BTBD1: variants seen among roughly 807,000 people sequenced by gnomAD.
BTBD1 encodes the protein BTB/POZ domain-containing protein 1.
Under a neutral mutation model 48.0 loss-of-function variants are expected in BTBD1, and 34 were observed. The ratio of observed to expected loss-of-function variants is 0.71; its 90% confidence interval spans 0.54 to 0.94. The LOEUF (loss-of-function observed/expected upper bound fraction) is 0.94, where lower values mean the gene tolerates loss of function less well. Among genes scored for constraint, BTBD1 ranks in the 40% least tolerant of loss-of-function variants. The pLI is 0.00. For synonymous variants in BTBD1, 261 were observed against 242.1 expected (o/e 1.08, Z -0.72); for missense variants, 543 against 625.6 (o/e 0.87, Z 1.41).
chr15:83,061,812 C>A (rs1328550810), intron 1 of BTBD1: 1 of 152,210 alleles, frequency 6.6e-6, no homozygotes, highest in Non-Finnish European at 1.5e-5. Context: ...TCAACCCACA[C>A]AACTGTAAAA....
At chr15:83,023,538 T>A (rs940671461) in intron 5 of BTBD1, among the ~76,000 whole-genome samples, 1 of 151,970 alleles carries the variant, frequency 6.6e-6, no homozygotes, top group Admixed American at 6.6e-5. Flanking sequence ...TGCCACTACA[T>A]GCTGCTAATT....
intron 4 of BTBD1, among the ~76,000 whole-genome samples, chr15:83,040,878 A>T (rs1377968228): frequency 6.6e-6 from 1 of 151,850 alleles, no homozygotes; most frequent in African/African-American, 2.4e-5. Context: ...CTTAAGAGTC[A>T]AACAGAGGCT....
intron 3 of BTBD1, chr15:83,044,669 G>A: frequency 6.6e-7 from 1 of 1,512,026 alleles, no homozygotes; most frequent in Non-Finnish European, 9.1e-7. Context: ...AGTGGGATGG[G>A]AAGGAAAACA....
chr15:83,042,079 A>G (rs1408373794), intron 3 of BTBD1, among the ~76,000 whole-genome samples, 154 bp from the exon 4 acceptor site: 1 of 152,104 alleles, frequency 6.6e-6, no homozygotes, highest in Non-Finnish European at 1.5e-5. Flanking sequence ...AATACTAAAT[A>G]ATTAAAGGAC....
rs1401667248 is a variant in BTBD1, at chr15:83,041,729, T to G, written c.861A>C (p.Ala287=). The part of the protein sequence containing the change: ...FPLMTIEEFA[A]GPAQSGILSD... ...ATTTTGGTGAATTTATACCCTTACCTGCTGCAAATTCCTCAATTGTCATCA... is the reference window on the plus strand; with the variant it reads ...ATTTTGGTGAATTTATACCCTTACCGGCTGCAAATTCCTCAATTGTCATCA... The change falls in exon 4 of 8, where the codon GCA becomes GCC. Residue 287 remains alanine, a splice_region_variant and synonymous_variant. Transcript: ENST00000261721. 3.7e-6 allele frequency: 6 copies of G among 1,613,850 alleles called. No individual in the cohort carries two copies. The South Asian group carries it at 6.6e-5, about 18-fold the overall frequency.
At chr15:83,051,707 AT>A (rs1037698021) in intron 2 of BTBD1, among the ~76,000 whole-genome samples, 13 of 150,028 alleles carry the variant, frequency 8.7e-5, no homozygotes, top group Admixed American at 6.7e-5. Flanking sequence ...GAATTTCCTT[AT>A]TTTTTTTTAA....
chr15:83,017,905 T>C lies in BTBD1; in HGVS notation c.*162A>G, dbSNP rs2032202496. ...AAATGGAAAATCTGTTTTTAAATCA[T>C]GCAAAGATTTAAATAAGCATTTTTC... On this transcript the variant is annotated 3_prime_UTR_variant, in exon 8 of 8. Coordinates refer to ENST00000261721, the MANE Select transcript of BTBD1 (RefSeq NM_025238.4). The C allele has an allele frequency of 9.2e-6, 4 of 433,236 alleles. No homozygotes were observed. In the South Asian group the frequency reaches 3.1e-4, roughly 33 times the overall value. The allele number at this position is 433,236 out of a possible 1,614,324, so 26.8% of individuals were successfully genotyped here.
At chr15:83,049,345 C>T (rs117865852) in intron 3 of BTBD1, among the ~76,000 whole-genome samples, 3,416 of 152,264 alleles carry the variant, frequency 0.022, 57 homozygotes, top group Middle Eastern at 0.037. Context: ...GTAAACCCTA[C>T]AGATCGTGGC....
chr15:83,036,229 CT>C (rs2032628140), intron 4 of BTBD1, among the ~76,000 whole-genome samples: 1 of 148,916 alleles, frequency 6.7e-6, no homozygotes, highest in African/African-American at 2.5e-5. Context: ...CCAAATATAT[CT>C]GTAATTACAT....
chr15:83,057,635 A>G (rs1438811736), intron 1 of BTBD1, among the ~76,000 whole-genome samples: 1 of 152,162 alleles, frequency 6.6e-6, no homozygotes, highest in Non-Finnish European at 1.5e-5. Flanking sequence ...TCTCCACAGC[A>G]CCATGTGCTG....
intron 2 of BTBD1, among the ~76,000 whole-genome samples, chr15:83,052,691 C>T (rs917212125): frequency 6.8e-6 from 1 of 147,092 alleles, no homozygotes; most frequent in Non-Finnish European, 1.5e-5. Context: ...AGTGCAGTGG[C>T]GTGATCTCGG....
chr15:83,051,903 C>A (rs78151042), intron 2 of BTBD1, among the ~76,000 whole-genome samples: 14 of 151,304 alleles, frequency 9.3e-5, no homozygotes, highest in Admixed American at 2.0e-4. Flanking sequence ...CACACACACA[C>A]ATCTATCTGG....
intron 3 of BTBD1, among the ~76,000 whole-genome samples, chr15:83,045,274 C>T (rs1297931503): frequency 6.6e-6 from 1 of 152,070 alleles, no homozygotes; most frequent in Non-Finnish European, 1.5e-5. Context: ...GGAGAGTGAT[C>T]ACCTGAGGTC....
chr15:83,046,241 A>AT (rs2032875100), intron 3 of BTBD1, among the ~76,000 whole-genome samples: 1 of 152,168 alleles, frequency 6.6e-6, no homozygotes, highest in Non-Finnish European at 1.5e-5. Flanking sequence ...ACCAAAAAAA[A>AT]CAAAAATAAT....
chr15:83,026,517 CTTTTTTTTTTTT>C (rs563990083), intron 5 of BTBD1, among the ~76,000 whole-genome samples: 4 of 88,288 alleles, frequency 4.5e-5, no homozygotes, highest in African/African-American at 1.5e-4. Context: ...TTTTTTAGTG[CTTTTTTTTTTTT>C]TTTTTTTTTT....
intron 1 of BTBD1, among the ~76,000 whole-genome samples, chr15:83,065,633 T>C (rs934753068): frequency 6.6e-6 from 1 of 152,210 alleles, no homozygotes; most frequent in African/African-American, 2.4e-5. Context: ...TTTAAAACCA[T>C]CTTAGTATAA....
At chr15:83,033,830 A>G (rs763006567) in intron 4 of BTBD1, among the ~76,000 whole-genome samples, 3 of 152,156 alleles carry the variant, frequency 2.0e-5, no homozygotes, top group African/African-American at 7.2e-5. Flanking sequence ...TACCTGCCTC[A>G]GCCTCCCAAA....
intron 3 of BTBD1, 38 bp downstream of exon 3, chr15:83,050,035 T>C (rs1483701504): frequency 7.7e-7 from 1 of 1,302,922 alleles, no homozygotes; most frequent in Non-Finnish European, 1.1e-6. Flanking sequence ...GCATTAACTG[T>C]ACTTAAAATG....
At chr15:83,040,710 A>C (rs2032736454) in intron 4 of BTBD1, among the ~76,000 whole-genome samples, 1 of 151,698 alleles carries the variant, frequency 6.6e-6, no homozygotes, top group East Asian at 1.9e-4. Flanking sequence ...AAAAAAAAAA[A>C]AAAAAAAAAA....
Sources: allele counts gnomAD v4.1 joint callset (sites outside exome capture counted in the v4.1 genomes callset), GRCh38; gene constraint gnomAD v4.1.1; transcripts MANE v1.5; gene names NCBI Gene and HGNC (gene_info 2026-07-23, HGNC 2026-07-21).